The following ZFAND6 variants were observed in gnomAD, a reference collection of about 807,000 sequenced individuals.
ZFAND6 encodes AN1-type zinc finger protein 6.
In ZFAND6, 12 loss-of-function variants were observed where a neutral mutation model predicts 24.5. The ratio of observed to expected loss-of-function variants is 0.49; its 90% CI spans 0.31 to 0.79. ZFAND6 has a LOEUF of 0.79. Among genes scored for constraint, ZFAND6 ranks in the 30% least tolerant of loss-of-function variants. ZFAND6 has a pLI of 0.04. For missense variants in ZFAND6, 207 were observed against 245.9 expected (o/e 0.84, Z 1.06); for synonymous variants, 92 against 81.5 (o/e 1.13, Z -0.69).
intron 1 of ZFAND6, among the ~76,000 whole-genome samples, chr15:80,093,888 T>C (rs1428368405): frequency 1.3e-5 from 2 of 151,916 alleles, no homozygotes; most frequent in Non-Finnish European, 2.9e-5. Context: ...AGTAGAATAA[T>C]AAGATTGGGA....
intron 1 of ZFAND6, among the ~76,000 whole-genome samples, chr15:80,089,912 G>A (rs2038249070): frequency 6.6e-6 from 1 of 152,078 alleles, no homozygotes; most frequent in African/African-American, 2.4e-5. Context: ...TAGAATCATG[G>A]TATCATGTTT....
intron 1 of ZFAND6, among the ~76,000 whole-genome samples, chr15:80,063,558 ATT>A (rs34010352): frequency 1.0e-4 from 14 of 139,582 alleles, no homozygotes; most frequent in African/African-American, 1.3e-4. Context: ...CGCCCAGCTA[ATT>A]TTTTTTTTTT....
intron 2 of ZFAND6, among the ~76,000 whole-genome samples, chr15:80,107,172 G>A (rs917824044): frequency 1.1e-4 from 17 of 152,222 alleles, no homozygotes; most frequent in African/African-American, 3.4e-4. Context: ...CCAAGATTGC[G>A]CCACTGCGCT....
At chr15:80,136,133 A>G (rs925909936) in intron 6 of ZFAND6, among the ~76,000 whole-genome samples, 13 of 152,008 alleles carry the variant, frequency 8.6e-5, no homozygotes, top group African/African-American at 3.1e-4. Flanking sequence ...CAAAAAAAAA[A>G]AAAAAGACAT....
intron 2 of ZFAND6, among the ~76,000 whole-genome samples, chr15:80,114,851 C>G (rs945690478): frequency 6.6e-6 from 1 of 151,944 alleles, no homozygotes; most frequent in Non-Finnish European, 1.5e-5. Flanking sequence ...ATGGTTTTAG[C>G]TAATTAAAGC....
At position 80,078,752 on chromosome 15, in the gene ZFAND6, T is replaced by A. The variant is rs2037441983; in HGVS notation, c.-181+18943T>A. On this transcript the variant is annotated intron_variant, in intron 1 of 6. Coordinates refer to ENST00000261749, the MANE Select transcript of ZFAND6 (RefSeq NM_019006.4). ...TTTTTTGACTTTTTAATAATAGCCA[T>A]TCTGACTGGCTTGAGATGATATTTT... Among the ~76,000 whole-genome samples, 6 of 152,310 alleles carry A rather than the reference T, an allele frequency of 3.9e-5. No homozygotes were observed. In the South Asian group the frequency reaches 1.2e-3, roughly 32 times the overall value.
At chr15:80,079,014 A>G (rs946735883) in intron 1 of ZFAND6, among the ~76,000 whole-genome samples, 4 of 151,550 alleles carry the variant, frequency 2.6e-5, no homozygotes, top group Admixed American at 1.3e-4. Context: ...CATTAGGTAT[A>G]TCTCCTAATG....
At chr15:80,114,205 A>G (rs570394414) in intron 2 of ZFAND6, among the ~76,000 whole-genome samples, 15 of 152,328 alleles carry the variant, frequency 9.8e-5, no homozygotes, top group African/African-American at 3.4e-4. Context: ...ATCTGGTTAG[A>G]TAAGTGATGT....
chr15:80,134,229 A>G (rs2040753435), intron 6 of ZFAND6, among the ~76,000 whole-genome samples: 2 of 152,156 alleles, frequency 1.3e-5, no homozygotes, highest in African/African-American at 2.4e-5. Context: ...ATCGCAGGTG[A>G]TCCGTCCACC....
chr15:80,087,189 A>G (rs529330328), intron 1 of ZFAND6, among the ~76,000 whole-genome samples: 6 of 152,268 alleles, frequency 3.9e-5, no homozygotes, highest in African/African-American at 1.4e-4. Flanking sequence ...TGGAATTTCT[A>G]GGTCTTAGGA....
At position 80,137,747 on chromosome 15, in the gene ZFAND6, G is replaced by A; in HGVS notation, c.*119G>A. ...TATCTTGCATGTCATCGGAAGAATA[G>A]ATTTTTGTTTTGGTTTTGTTTTGAA... On this transcript the variant is annotated 3_prime_UTR_variant, in exon 7 of 7. Transcript: ENST00000261749. 8.8e-7 allele frequency: 1 copy of A among 1,139,942 alleles called. No homozygotes were observed. Among genetic ancestry groups the A allele is most frequent in the Non-Finnish European group, 1.2e-6 (1 of 859,852 alleles). 70.6% of individuals were successfully genotyped at this position (1,139,942 alleles called of 1,614,324 possible).
Position 80,131,249 on chromosome 15 carries a change from A to G in ZFAND6, c.434A>G (p.Lys145Arg). The change falls in exon 6 of 7, where the codon AAA (lysine) becomes AGA (arginine). Residue 145 changes from lysine to arginine, a missense_variant. By Grantham distance (26) the Lys-to-Arg change is conservative. Coordinates refer to ENST00000261749, the MANE Select transcript of ZFAND6 (RefSeq NM_019006.4). ...QSKSLEKPKQ[K>R]KNRCFMCRKK... is the part of the protein sequence containing the mutation. ...AAGTCTCTTGAAAAACCGAAACAAA[A>G]AAAGAATCGCTGTTTCATGTGCAGG... 6.2e-7 allele frequency: 1 copy of G among 1,613,076 alleles called. No homozygotes were observed. The highest frequency in any genetic ancestry group is 1.3e-5 in the African/African-American group (1 of 75,010).
At chr15:80,086,003 T>C (rs566888631) in intron 1 of ZFAND6, among the ~76,000 whole-genome samples, 1 of 152,280 alleles carries the variant, frequency 6.6e-6, no homozygotes, top group African/African-American at 2.4e-5. Context: ...TTTTTAGTTA[T>C]TGGCAATTCA....
intron 5 of ZFAND6, chr15:80,130,967 A>G (rs2040573649): frequency 2.4e-6 from 1 of 419,842 alleles, no homozygotes; most frequent in African/African-American, 2.0e-5. Flanking sequence ...TTAACATATC[A>G]TTACATATTC....
chr15:80,122,443 AT>A (rs34492221), intron 4 of ZFAND6, among the ~76,000 whole-genome samples: 12,582 of 152,212 alleles, frequency 0.083, 588 homozygotes, highest in East Asian at 0.18. Context: ...GCTAGTTTTC[AT>A]TTAGTGAATT....
At chr15:80,113,857 G>A (rs1370318977) in intron 2 of ZFAND6, among the ~76,000 whole-genome samples, 1 of 151,940 alleles carries the variant, frequency 6.6e-6, no homozygotes, top group Non-Finnish European at 1.5e-5. Context: ...TTGAGTAATG[G>A]TACAATTAAG....
At chr15:80,109,331 A>G (rs61405539) in intron 2 of ZFAND6, among the ~76,000 whole-genome samples, 2,641 of 152,300 alleles carry the variant, frequency 0.017, 85 homozygotes, top group African/African-American at 0.059. Context: ...GAGACACAAT[A>G]TAATAGTAAA....
At chr15:80,136,711 A>G (rs1055706651) in intron 6 of ZFAND6, among the ~76,000 whole-genome samples, 7 of 152,226 alleles carry the variant, frequency 4.6e-5, no homozygotes, top group Middle Eastern at 3.2e-3. Context: ...TAACAATTGT[A>G]TCATACCATA....
intron 2 of ZFAND6, among the ~76,000 whole-genome samples, chr15:80,101,697 T>G (rs556546005): frequency 6.6e-6 from 1 of 152,106 alleles, no homozygotes; most frequent in African/African-American, 2.4e-5. Context: ...GTATCAGATA[T>G]AACTCCACCA....
Sources: allele counts gnomAD v4.1 joint callset (sites outside exome capture counted in the v4.1 genomes callset), GRCh38; gene constraint gnomAD v4.1.1; transcripts MANE v1.5; gene names NCBI Gene and HGNC (gene_info 2026-07-23, HGNC 2026-07-21).